CHRNA7: variants seen among roughly 807,000 people sequenced by gnomAD.
CHRNA7 encodes the protein cholinergic receptor nicotinic alpha 7 subunit, also known as neuronal acetylcholine receptor subunit alpha-7.
CHRNA7 carries 17 observed loss-of-function variants against 48.0 expected under a neutral mutation model. The observed-to-expected ratio is 0.35, with a 90% CI of 0.24 to 0.53. CHRNA7 has a LOEUF of 0.53. CHRNA7 is among the 20% of genes least tolerant of loss of function. The pLI is 0.92. For missense variants in CHRNA7, 155 were observed against 577.7 expected (o/e 0.27, Z 7.50); for synonymous variants, 75 against 242.3 (o/e 0.31, Z 6.41).
Position 32,030,893 on chromosome 15 carries a change from T to A in CHRNA7, c.56-5T>A, listed in dbSNP as rs1436133609. The A allele has an allele frequency of 8.1e-6, 13 of 1,613,660 alleles. No individual in the cohort carries two copies. The highest frequency in any genetic ancestry group is 1.1e-5 in the Non-Finnish European group (13 of 1,179,952). On this transcript the variant is annotated splice_polypyrimidine_tract_variant and splice_region_variant and intron_variant, in intron 1 of 9. Coordinates refer to ENST00000306901, the MANE Select transcript of CHRNA7 (RefSeq NM_000746.6). ...AGCCCCCTGCCCGGGTCTTCTCTCC[T>A]TAAGTGTCCCTGCAAGGCGAGTTCC...
chr15:32,097,772 T>A (rs1373726204), intron 2 of CHRNA7, among the ~76,000 whole-genome samples: 1 of 152,196 alleles, frequency 6.6e-6, no homozygotes, highest in Non-Finnish European at 1.5e-5. Context: ...TTCTGTCCCC[T>A]CTCTTGCAGG....
At chr15:32,128,983 T>C (rs2051112817) in intron 4 of CHRNA7, among the ~76,000 whole-genome samples, 1 of 151,928 alleles carries the variant, frequency 6.6e-6, no homozygotes, top group African/African-American at 2.4e-5. Context: ...TGAGTGTTAT[T>C]ACTTGCTTTT....
chr15:32,044,084 A>G (rs1162865548), intron 2 of CHRNA7, among the ~76,000 whole-genome samples: 1 of 152,046 alleles, frequency 6.6e-6, no homozygotes, highest in Non-Finnish European at 1.5e-5. Flanking sequence ...TTCTTTGGTC[A>G]CTTTTAAATT....
chr15:32,060,481 A>C (rs2141203625), intron 2 of CHRNA7, among the ~76,000 whole-genome samples: 1 of 152,358 alleles, frequency 6.6e-6, no homozygotes, highest in East Asian at 1.9e-4. Flanking sequence ...TAGGATATAA[A>C]GTTTTCAAAC....
intron 2 of CHRNA7, among the ~76,000 whole-genome samples, chr15:32,087,182 TC>T (rs1487650753): frequency 6.6e-6 from 1 of 152,234 alleles, no homozygotes; most frequent in African/African-American, 2.4e-5. Flanking sequence ...TAGTGTGGAC[TC>T]AGCAGTATTT....
chr15:32,064,435 C>G (rs940144215), intron 2 of CHRNA7, among the ~76,000 whole-genome samples: 1 of 151,664 alleles, frequency 6.6e-6, no homozygotes, highest in Admixed American at 6.6e-5. Context: ...CATATTAGAG[C>G]CTTTCTCATG....
At chr15:32,067,007 G>A (rs923722799) in intron 2 of CHRNA7, among the ~76,000 whole-genome samples, 3 of 152,082 alleles carry the variant, frequency 2.0e-5, no homozygotes, top group Non-Finnish European at 4.4e-5. Context: ...AAAAAATGGG[G>A]AAAAATGAAC....
intron 3 of CHRNA7, among the ~76,000 whole-genome samples, chr15:32,107,407 C>G (rs561769564): frequency 6.6e-6 from 1 of 151,440 alleles, no homozygotes; most frequent in Non-Finnish European, 1.5e-5. Context: ...AAATACTTTG[C>G]TTACTTAATA....
At chr15:32,085,966 C>A (rs998213758) in intron 2 of CHRNA7, among the ~76,000 whole-genome samples, 1 of 152,150 alleles carries the variant, frequency 6.6e-6, no homozygotes, top group Non-Finnish European at 1.5e-5. Flanking sequence ...TTAAGATATT[C>A]TTTTTCATAT....
At chr15:32,044,635 A>G (rs952683970) in intron 2 of CHRNA7, among the ~76,000 whole-genome samples, 15 of 152,170 alleles carry the variant, frequency 9.9e-5, no homozygotes, top group African/African-American at 3.1e-4. Flanking sequence ...TTTTGGGACA[A>G]TGATTACATG....
intron 4 of CHRNA7, among the ~76,000 whole-genome samples, chr15:32,121,703 C>T (rs1281117571): frequency 6.6e-6 from 1 of 152,192 alleles, no homozygotes; most frequent in African/African-American, 2.4e-5. Flanking sequence ...TGCCTGAGGT[C>T]CTGGCACTGC....
chr15:32,112,190 A>G (rs1418788475), intron 4 of CHRNA7: 3 of 559,490 alleles, frequency 5.4e-6, no homozygotes, highest in South Asian at 3.1e-5. Context: ...ATATTGGCAC[A>G]TGGAGTATTC....
intron 2 of CHRNA7, among the ~76,000 whole-genome samples, chr15:32,071,490 C>G (rs1445249134): frequency 6.6e-6 from 1 of 152,142 alleles, no homozygotes; most frequent in African/African-American, 2.4e-5. Context: ...AGATTTACAC[C>G]TAAGCCATTT....
intron 2 of CHRNA7, among the ~76,000 whole-genome samples, chr15:32,086,241 C>T (rs971629724): frequency 9.9e-5 from 15 of 151,678 alleles, no homozygotes; most frequent in East Asian, 7.8e-4. Flanking sequence ...TGGTGGCAGG[C>T]GCCTGTAGTC....
rs2141154492 is a variant in CHRNA7 at position 32,031,011 on chromosome 15, C to T, written c.169C>T (p.Leu57=). The change falls in exon 2 of 10, where the codon CTG becomes TTG. Residue 57 remains leucine, a synonymous_variant. Coordinates refer to ENST00000306901, the MANE Select transcript of CHRNA7 (RefSeq NM_000746.6). ...DSQPLTVYFS[L]SLLQIMDVDE... ...GCAACCACTCACCGTCTACTTCTCC[C>T]TGAGCCTCCTGCAGATCATGGACGT... The T allele has an allele frequency of 6.2e-7, 1 of 1,614,226 alleles. No homozygotes were observed. Among genetic ancestry groups the T allele is most frequent in the East Asian group, 2.2e-5 (1 of 44,876 alleles).
intron 2 of CHRNA7, among the ~76,000 whole-genome samples, chr15:32,085,819 A>T (rs2050286195): frequency 6.6e-6 from 1 of 152,192 alleles, no homozygotes; most frequent in South Asian, 2.1e-4. Flanking sequence ...CTTAGATTCC[A>T]AAGTTGAAGT....
chr15:32,134,542 A>G (rs189882507), intron 4 of CHRNA7, among the ~76,000 whole-genome samples: 29 of 152,356 alleles, frequency 1.9e-4, no homozygotes, highest in Non-Finnish European at 2.8e-4. Flanking sequence ...TGTATGAGGA[A>G]TGAAACACTA....
intron 2 of CHRNA7, among the ~76,000 whole-genome samples, chr15:32,055,041 C>A (rs994282316): frequency 7.9e-5 from 12 of 152,206 alleles, no homozygotes; most frequent in Non-Finnish European, 1.5e-4. Flanking sequence ...TACATACTCA[C>A]CAACGCTTGG....
rs115611861 is a variant in CHRNA7, at chr15:32,150,410, G to A, written c.351-3497G>A. 4.3e-3 allele frequency among the ~76,000 whole-genome samples: 651 copies of A among 152,272 alleles called. 6 individuals carry two copies. The highest frequency in any genetic ancestry group is 0.015 in the African/African-American group (624 of 41,536). ...TACTGAGGGTGATTGATGGGGGAACGCATCCCACGTCTGGTGCGGGTTAGA... is the reference window on the plus strand; with the variant it reads ...TACTGAGGGTGATTGATGGGGGAACACATCCCACGTCTGGTGCGGGTTAGA... On this transcript the variant is annotated intron_variant, in intron 4 of 9. Coordinates refer to ENST00000306901, the MANE Select transcript of CHRNA7 (RefSeq NM_000746.6).
Sources: gnomAD v4.1 joint callset for allele counts (sites outside exome capture counted in the v4.1 genomes callset) on GRCh38, gnomAD v4.1.1 for gene constraint, MANE v1.5 for transcripts, NCBI Gene and HGNC (gene_info 2026-07-23, HGNC 2026-07-21) for gene names.